ZNF777: variants seen among roughly 807,000 people sequenced by gnomAD.
ZNF777 encodes the protein zinc finger protein 777.
Under a neutral mutation model 72.1 loss-of-function variants are expected in ZNF777, and 7 were observed. The ratio of observed to expected loss-of-function variants is 0.10; its 90% CI spans 0.06 to 0.18. ZNF777 has a LOEUF of 0.18. Among genes scored for constraint, ZNF777 ranks in the 10% least tolerant of loss-of-function variants. ZNF777 has a pLI of 1.00. For synonymous variants in ZNF777, 545 were observed against 483.5 expected, an observed-to-expected ratio of 1.13 and a Z score of -1.67; for missense variants, 828 against 1,128.6, an observed-to-expected ratio of 0.73 and a Z score of 3.82.
chr7:149,448,176 T>TA (rs1274298457), intron 4 of ZNF777, among the ~76,000 whole-genome samples: 1 of 151,968 alleles, frequency 6.6e-6, no homozygotes, highest in Non-Finnish European at 1.5e-5. Flanking sequence ...AAAATATACT[T>TA]AAAAATAAGC....
chr7:149,432,945 CAG>C lies in ZNF777; in HGVS notation c.1340-15_1340-14del, dbSNP rs771564431. 3 of 1,457,274 alleles carry C rather than the reference CAG, an allele frequency of 2.1e-6. No individual in the cohort carries two copies. Among genetic ancestry groups the C allele is most frequent in the Non-Finnish European group, 2.7e-6 (3 of 1,101,714 alleles). 90.3% of individuals were successfully genotyped at this position (1,457,274 alleles called of 1,614,324 possible). A position where few individuals can be genotyped will look rare whatever the true frequency, so the allele number is the denominator to read the frequency against. ...ATCACGATCCCCTCTGCTCCAGGGACAGAGAGAGAAAGTCGTTAGCTGCTGCC... is the reference window on the plus strand; with the variant it reads ...ATCACGATCCCCTCTGCTCCAGGGACAGAGAGAAAGTCGTTAGCTGCTGCC... On this transcript the variant is annotated splice_polypyrimidine_tract_variant and intron_variant, in intron 5 of 5. Transcript: ENST00000247930.
At position 149,460,289 on chromosome 7, in the gene ZNF777, C is replaced by A. The variant is rs1799924014; in HGVS notation, c.-16+526G>T. 6.3e-6 allele frequency: 1 copy of A among 158,712 alleles called. No homozygotes were observed. The highest frequency in any genetic ancestry group is 2.0e-4 in the South Asian group (1 of 5,028). 9.8% of individuals were successfully genotyped at this position (158,712 alleles called of 1,614,324 possible). A position where few individuals can be genotyped will look rare whatever the true frequency, so the allele number is the denominator to read the frequency against. On this transcript the variant is annotated intron_variant, in intron 1 of 5. Transcript: ENST00000247930. This position sits in a 1 kb window ranked among gnomAD's most constrained non-coding sequence, Gnocchi z 6.1. Reference sequence around the variant, plus strand: ...CAGCCCTGTCTTCCCCGCCGGGGCTCGCGCGCGGCCGTCGGGCCCCGGCCT... The same window carrying A: ...CAGCCCTGTCTTCCCCGCCGGGGCTAGCGCGCGGCCGTCGGGCCCCGGCCT...
Position 149,456,978 on chromosome 7 carries a change from G to A in ZNF777, c.-15-941C>T, listed in dbSNP as rs539823319. Among the ~76,000 whole-genome samples the A allele has an allele frequency of 5.9e-5, 9 of 152,298 alleles. No homozygotes were observed. The South Asian group carries it at 1.7e-3, about 28-fold the overall frequency. On this transcript the variant is annotated intron_variant, in intron 1 of 5. Coordinates refer to ENST00000247930, the MANE Select transcript of ZNF777 (RefSeq NM_015694.3). ...AGTGGGCAGCAGTCCATTGCAGCAG[G>A]TGTGCTCAGGTGGTCTGGGTTCCAC...
At chr7:149,443,575 AT>A (rs1029107224) in intron 4 of ZNF777, among the ~76,000 whole-genome samples, 2 of 152,024 alleles carry the variant, frequency 1.3e-5, no homozygotes, top group African/African-American at 4.8e-5. Flanking sequence ...ATTAAAAAAA[AT>A]TTTTTTTAAA....
chr7:149,439,264 A>G (rs1799467451), intron 4 of ZNF777, among the ~76,000 whole-genome samples: 2 of 152,058 alleles, frequency 1.3e-5, no homozygotes, highest in Non-Finnish European at 2.9e-5. Flanking sequence ...TCCCTCCACA[A>G]ACATGACCAC....
At chr7:149,449,142 C>T (rs552117509) in intron 4 of ZNF777, among the ~76,000 whole-genome samples, 7 of 152,296 alleles carry the variant, frequency 4.6e-5, no homozygotes, top group East Asian at 3.9e-4. Context: ...CCTGCAATGG[C>T]GAGGCCGGGG....
chr7:149,447,974 C>G (rs970706732), intron 4 of ZNF777, among the ~76,000 whole-genome samples: 1 of 152,152 alleles, frequency 6.6e-6, no homozygotes, highest in East Asian at 1.9e-4. Flanking sequence ...CCAAAGAGAT[C>G]TGATGAACTA....
chr7:149,439,587 C>T (rs1321905477), intron 4 of ZNF777, among the ~76,000 whole-genome samples: 1 of 152,138 alleles, frequency 6.6e-6, no homozygotes, highest in Non-Finnish European at 1.5e-5. Flanking sequence ...TTATATCATT[C>T]CTTTTCACCT....
intron 4 of ZNF777, among the ~76,000 whole-genome samples, chr7:149,444,550 A>G (rs1057500685): frequency 7.2e-5 from 11 of 152,088 alleles, no homozygotes; most frequent in African/African-American, 2.7e-4. Flanking sequence ...TTACTTCCTC[A>G]TTTTGGCAAA....
At chr7:149,435,319 C>T (rs749954296) in intron 5 of ZNF777, among the ~76,000 whole-genome samples, 9 of 152,058 alleles carry the variant, frequency 5.9e-5, no homozygotes, top group African/African-American at 1.9e-4. Flanking sequence ...TACAGGCATG[C>T]GCCACCATTC....
intron 4 of ZNF777, among the ~76,000 whole-genome samples, chr7:149,442,069 T>C (rs1799527068): frequency 6.6e-6 from 1 of 150,882 alleles, no homozygotes; most frequent in Non-Finnish European, 1.5e-5. Flanking sequence ...ATACAAAAAT[T>C]AGCTGGGCCT....
rs1472316197 is a variant in ZNF777 at position 149,431,461 on chromosome 7, C to T, written c.*315G>A. ...CAACTAGATGGGCCCTACACCGCCC[C>T]TCTGAGTGGCCGGCGGCCAAATCAC... On this transcript the variant is annotated 3_prime_UTR_variant, in exon 6 of 6. Coordinates refer to ENST00000247930, the MANE Select transcript of ZNF777 (RefSeq NM_015694.3). 1.3e-5 allele frequency: 6 copies of T among 446,188 alleles called. No individual in the cohort carries two copies. Among genetic ancestry groups the T allele is most frequent in the East Asian group, 1.5e-4 (2 of 13,246 alleles). The allele number at this position is 446,188 out of a possible 1,614,324, so 27.6% of individuals were successfully genotyped here.
At chr7:149,448,266 G>A (rs1259251448) in intron 4 of ZNF777, among the ~76,000 whole-genome samples, 11 of 151,818 alleles carry the variant, frequency 7.2e-5, no homozygotes, top group Non-Finnish European at 1.5e-5. Context: ...AGGAGTTCAT[G>A]AGCAGCCTGA....
chr7:149,439,407 T>A (rs1354953390), intron 4 of ZNF777, among the ~76,000 whole-genome samples: 1 of 152,190 alleles, frequency 6.6e-6, no homozygotes, highest in African/African-American at 2.4e-5. Flanking sequence ...AATGCATCAG[T>A]AACTGCAAAA....
chr7:149,454,304 C>A, intron 2 of ZNF777, 67 bp from the exon 3 acceptor site: 1 of 1,599,300 alleles, frequency 6.3e-7, no homozygotes, highest in Non-Finnish European at 8.5e-7. Flanking sequence ...GCTGGCCAAT[C>A]CCAAGGCCCA....
At chr7:149,433,057 T>C (rs763000600) in intron 5 of ZNF777, 125 bp from the exon 6 acceptor site, 12 of 1,376,090 alleles carry the variant, frequency 8.7e-6, no homozygotes, top group Non-Finnish European at 1.1e-5. Context: ...ATTCCTTCTT[T>C]TGGGAAAAGT....
chr7:149,452,186 A>G (rs1799731588), intron 3 of ZNF777, among the ~76,000 whole-genome samples: 1 of 151,828 alleles, frequency 6.6e-6, no homozygotes, highest in African/African-American at 2.4e-5. Context: ...AATAGTGTGA[A>G]CCCGGGAGGC....
chr7:149,450,320 T>C (rs1304403087), intron 4 of ZNF777, among the ~76,000 whole-genome samples: 2 of 152,276 alleles, frequency 1.3e-5, no homozygotes, highest in Admixed American at 1.3e-4. Context: ...CAGCGGCTGG[T>C]GTATACTGAG....
chr7:149,459,421 C>T (rs1263619123), intron 1 of ZNF777, among the ~76,000 whole-genome samples: 3 of 152,226 alleles, frequency 2.0e-5, no homozygotes, highest in African/African-American at 4.8e-5. Flanking sequence ...ACCTTCCAGA[C>T]GCAGAGGCCG....
Sources: allele counts gnomAD v4.1 joint callset (sites outside exome capture counted in the v4.1 genomes callset), GRCh38; gene constraint gnomAD v4.1.1; non-coding constraint Gnocchi (gnomAD v3.1); transcripts MANE v1.5; gene names NCBI Gene and HGNC (gene_info 2026-07-23, HGNC 2026-07-21).